Variants in SLC22A4 observed in about 807,000 individuals in gnomAD.
The protein encoded by SLC22A4 is solute carrier family 22 member 4, also known as ET transporter.
A neutral mutation model predicts 56.6 loss-of-function variants in SLC22A4; 39 were observed. The observed-to-expected ratio is 0.69, with a 90% CI of 0.53 to 0.90. The LOEUF (loss-of-function observed/expected upper bound fraction) is 0.90. Ranked by LOEUF, SLC22A4 falls within the 40% of genes least tolerant of loss-of-function variation. The pLI is 0.00. For synonymous variants in SLC22A4, 241 were observed against 281.4 expected (o/e 0.86, Z 1.44); for missense variants, 594 against 696.5 (o/e 0.85, Z 1.66).
chr5:132,325,010 G>C (rs931545222), intron 4 of SLC22A4, among the ~76,000 whole-genome samples: 2 of 152,176 alleles, frequency 1.3e-5, no homozygotes, highest in Non-Finnish European at 2.9e-5. Flanking sequence ...AAAAGGCTTG[G>C]CAGTAAGTGG....
intron 1 of SLC22A4, 59 bp downstream of exon 1, chr5:132,295,068 C>A: frequency 6.5e-7 from 1 of 1,547,482 alleles, no homozygotes; most frequent in Non-Finnish European, 8.8e-7. Context: ...CTGCGTCAGC[C>A]CCCCTTGAGA....
chr5:132,301,148 C>T (rs918827708), intron 1 of SLC22A4, among the ~76,000 whole-genome samples: 1 of 152,242 alleles, frequency 6.6e-6, no homozygotes, highest in Non-Finnish European at 1.5e-5. Context: ...AATCCTGGCT[C>T]GTGGCCAGGG....
rs1246122072 is a variant in SLC22A4, at chr5:132,322,307, TG to T, written c.777del (p.Leu260CysfsTer4). 2 of 1,613,958 alleles carry T rather than the reference TG, an allele frequency of 1.2e-6. No homozygotes were observed. The highest frequency in any genetic ancestry group is 1.3e-5 in the African/African-American group (1 of 74,944). On this transcript the variant is annotated frameshift_variant, in exon 4 of 10. Coordinates refer to ENST00000200652, the MANE Select transcript of SLC22A4 (RefSeq NM_003059.3). LOFTEE classifies it high-confidence loss of function. Reference protein sequence around the residue: ...FAYFIRDWRMLLLALTVPGVL... With the variant: ...FAYFIRDWRMXLLALTVPGVL... ...TACTTCATCAGAGACTGGCGGATGC[TG>T]CTGCTGGCGCTGACGGTGCCGGGAG...
intron 5 of SLC22A4, among the ~76,000 whole-genome samples, chr5:132,330,077 T>C (rs1489559813): frequency 1.3e-5 from 2 of 152,168 alleles, no homozygotes; most frequent in East Asian, 3.8e-4. Flanking sequence ...ATACCAGGGT[T>C]ATTCTGCTGG....
intron 1 of SLC22A4, among the ~76,000 whole-genome samples, chr5:132,309,490 G>A (rs1350879992): frequency 6.6e-6 from 1 of 152,240 alleles, no homozygotes; most frequent in Admixed American, 6.5e-5. Flanking sequence ...GAGGGAATGG[G>A]ACCGAAAGCC....
At chr5:132,306,437 A>G (rs868733014) in intron 1 of SLC22A4, among the ~76,000 whole-genome samples, 96 of 60,602 alleles carry the variant, frequency 1.6e-3, no homozygotes, top group African/African-American at 6.6e-3. Context: ...ATATATATAT[A>G]TATATAGTTG....
intron 5 of SLC22A4, among the ~76,000 whole-genome samples, chr5:132,328,922 TATATATATACACAC>T (rs58725274): frequency 0.62 from 89,798 of 145,146 alleles, 27,886 homozygotes; most frequent in African/African-American, 0.7. Context: ...TATATATATA[TATATATATACACAC>T]ACACACTTTA....
intron 4 of SLC22A4, 41 bp downstream of exon 4, chr5:132,322,396 TCAGCACACCTGGAACA>T: frequency 6.3e-7 from 1 of 1,589,778 alleles, no homozygotes. Flanking sequence ...CTGCTGCGGG[TCAGCACACCTGGAACA>T]CACCTGGAGC....
chr5:132,303,653 C>T (rs1250025125), intron 1 of SLC22A4, among the ~76,000 whole-genome samples: 3 of 152,080 alleles, frequency 2.0e-5, no homozygotes, highest in Non-Finnish European at 2.9e-5. Context: ...GGTTCCCATC[C>T]TCCACCCACC....
At chr5:132,328,411 C>T (rs1750741260) in intron 5 of SLC22A4, among the ~76,000 whole-genome samples, 1 of 152,218 alleles carries the variant, frequency 6.6e-6, no homozygotes, top group Non-Finnish European at 1.5e-5. Flanking sequence ...TCCCCAGTCC[C>T]TGGCCTTCAG....
At chr5:132,296,979 C>G (rs964878345) in intron 1 of SLC22A4, among the ~76,000 whole-genome samples, 2 of 152,174 alleles carry the variant, frequency 1.3e-5, no homozygotes, top group Non-Finnish European at 2.9e-5. Context: ...TTTTTGGCAG[C>G]TTTTCCCTTC....
intron 3 of SLC22A4, among the ~76,000 whole-genome samples, chr5:132,318,639 A>G (rs1193990337): frequency 6.6e-6 from 1 of 151,962 alleles, no homozygotes; most frequent in Non-Finnish European, 1.5e-5. Flanking sequence ...GCCCTCTCTG[A>G]GTCACTCCCT....
chr5:132,327,134 T>C, intron 4 of SLC22A4, 143 bp from the exon 5 acceptor site: 2 of 633,744 alleles, frequency 3.2e-6, no homozygotes, highest in Non-Finnish European at 2.7e-6. Flanking sequence ...ATTCCTATGC[T>C]CCAATAGAAA....
intron 5 of SLC22A4, among the ~76,000 whole-genome samples, chr5:132,331,381 C>T (rs1361699537): frequency 6.6e-6 from 1 of 151,948 alleles, no homozygotes; most frequent in East Asian, 1.9e-4. Flanking sequence ...CAGACGTGGC[C>T]TCAAGGAAGG....
intron 1 of SLC22A4, chr5:132,311,375 T>C (rs1220710670): frequency 6.6e-6 from 1 of 152,290 alleles, no homozygotes; most frequent in Non-Finnish European, 1.5e-5. Flanking sequence ...GTTGCTTAAT[T>C]GACTTAAGTC....
At chr5:132,310,440 C>T (rs1760812040) in intron 1 of SLC22A4, among the ~76,000 whole-genome samples, 1 of 152,222 alleles carries the variant, frequency 6.6e-6, no homozygotes, top group African/African-American at 2.4e-5. Context: ...GGTCTATGGA[C>T]TGGCAGAACA....
chr5:132,343,786 A>G lies in SLC22A4; in HGVS notation c.1607A>G (p.Asp536Gly). The change falls in exon 10 of 10, where the codon GAC becomes GGC. Residue 536 changes from aspartate to glycine, a missense_variant. Physicochemically the swap from Asp to Gly is moderately conservative, Grantham distance 94. Coordinates refer to ENST00000200652, the MANE Select transcript of SLC22A4 (RefSeq NM_003059.3). ...KWFRSGKKTR[D>G]SMETEENPKV... ...TTCAGATCTGGGAAAAAAACAAGAG[A>G]CTCAATGGAGACAGAAGAAAATCCC... 6.2e-7 allele frequency: 1 copy of G among 1,608,740 alleles called. No individual in the cohort carries two copies.
chr5:132,307,515 G>A lies in SLC22A4; in HGVS notation c.394-4646G>A, dbSNP rs188106533. On this transcript the variant is annotated intron_variant, in intron 1 of 9. Transcript: ENST00000200652. ...TAAGTGTAACCTGCTTTGCTTATTCGTCCATGTGTTCCAAGTCATGATTTT... is the reference window on the plus strand; with the variant it reads ...TAAGTGTAACCTGCTTTGCTTATTCATCCATGTGTTCCAAGTCATGATTTT... 2.4e-3 allele frequency among the ~76,000 whole-genome samples: 358 copies of A among 151,998 alleles called. 2 individuals carry two copies. Among genetic ancestry groups the A allele is most frequent in the Middle Eastern group, 0.02 (6 of 294 alleles).
At chr5:132,307,653 A>G (rs1750073080) in intron 1 of SLC22A4, among the ~76,000 whole-genome samples, 1 of 152,212 alleles carries the variant, frequency 6.6e-6, no homozygotes, top group Admixed American at 6.5e-5. Flanking sequence ...TCCAATGCAC[A>G]CAACAAACCT....
Sources: allele counts gnomAD v4.1 joint callset (sites outside exome capture counted in the v4.1 genomes callset), GRCh38; gene constraint gnomAD v4.1.1; transcripts MANE v1.5; gene names NCBI Gene and HGNC (gene_info 2026-07-23, HGNC 2026-07-21).